Variants in FGGY observed in about 807,000 individuals in gnomAD.
FGGY encodes FGGY carbohydrate kinase domain-containing protein.
FGGY carries 72 observed loss-of-function variants against 71.3 expected under a neutral mutation model. That is an observed-to-expected ratio of 1.01 (90% confidence interval 0.84 to 1.23). FGGY has a LOEUF of 1.23. Ranked by LOEUF, FGGY falls within the 50% of genes most tolerant of loss-of-function variation. The pLI is 0.00. For missense variants in FGGY, 668 were observed against 682.3 expected (o/e 0.98, Z 0.23); for synonymous variants, 251 against 250.3 (o/e 1.00, Z -0.02).
chr1:59,757,840 C>A lies in FGGY; in HGVS notation c.1513-91C>A. On this transcript the variant is annotated intron_variant, in intron 14 of 15. Transcript: ENST00000303721. ...ACTAACCAAATATCTTAAAGGGAAG[C>A]AAATTCAAATTAGAATGTTTTGCCT... 4 of 830,770 alleles carry A rather than the reference C, an allele frequency of 4.8e-6. No individual in the cohort carries two copies. In the East Asian group the frequency reaches 7.9e-5, roughly 16 times the overall value. 51.5% of individuals were successfully genotyped at this position (830,770 alleles called of 1,614,324 possible). A position where few individuals can be genotyped will look rare whatever the true frequency, so the allele number is the denominator to read the frequency against.
chr1:59,545,454 C>G (rs12749899), intron 7 of FGGY, among the ~76,000 whole-genome samples: 3,771 of 152,196 alleles, frequency 0.025, 86 homozygotes, highest in South Asian at 0.076. Flanking sequence ...TGCCTAATGT[C>G]TGAGAATGAG....
intron 7 of FGGY, among the ~76,000 whole-genome samples, chr1:59,514,616 T>C (rs2094596285): frequency 6.6e-6 from 1 of 152,174 alleles, no homozygotes; most frequent in African/African-American, 2.4e-5. Flanking sequence ...TCCCACATGT[T>C]GTGGGAGGGA....
At chr1:59,600,695 A>G (rs2096568595) in intron 8 of FGGY, among the ~76,000 whole-genome samples, 2 of 152,158 alleles carry the variant, frequency 1.3e-5, no homozygotes, top group South Asian at 4.1e-4. Context: ...ACATTACCCC[A>G]TCTAGGACTT....
intron 12 of FGGY, among the ~76,000 whole-genome samples, chr1:59,665,831 G>A (rs1372047212): frequency 2.0e-5 from 3 of 151,916 alleles, no homozygotes; most frequent in South Asian, 2.1e-4. Flanking sequence ...CCGTCACCAC[G>A]CCCAGCTATT....
chr1:59,550,841 AC>A (rs2095597693), intron 7 of FGGY, among the ~76,000 whole-genome samples: 1 of 152,214 alleles, frequency 6.6e-6, no homozygotes, highest in Admixed American at 6.5e-5. Flanking sequence ...GTCAGACAGA[AC>A]AAGGTCAAAT....
At chr1:59,632,390 A>C (rs1226473755) in intron 10 of FGGY, among the ~76,000 whole-genome samples, 2 of 152,112 alleles carry the variant, frequency 1.3e-5, no homozygotes, top group East Asian at 3.9e-4. Context: ...ACTTTCCCTG[A>C]ATTTTTCTGT....
chr1:59,742,067 C>T (rs773940599), intron 14 of FGGY, among the ~76,000 whole-genome samples: 7 of 152,148 alleles, frequency 4.6e-5, no homozygotes, highest in Non-Finnish European at 1.0e-4. Context: ...CATGCCACTG[C>T]ACTCCAGCCT....
chr1:59,615,203 G>A (rs1572132892), intron 9 of FGGY, among the ~76,000 whole-genome samples: 1 of 152,096 alleles, frequency 6.6e-6, no homozygotes, highest in East Asian at 1.9e-4. Context: ...TCAATCCTAA[G>A]CCAAAAGAAC....
At chr1:59,465,536 G>A (rs1298483204) in intron 6 of FGGY, among the ~76,000 whole-genome samples, 1 of 152,160 alleles carries the variant, frequency 6.6e-6, no homozygotes, top group Admixed American at 6.5e-5. Context: ...GAAATAAAGG[G>A]TATTCAATTA....
chr1:59,508,840 G>A (rs2094454326), intron 6 of FGGY, among the ~76,000 whole-genome samples: 1 of 152,226 alleles, frequency 6.6e-6, no homozygotes, highest in East Asian at 1.9e-4. Context: ...GGGTTTTCCA[G>A]AAGCAAAGGC....
intron 3 of FGGY, among the ~76,000 whole-genome samples, chr1:59,342,015 A>G (rs899967566): frequency 6.6e-6 from 1 of 152,136 alleles, no homozygotes; most frequent in East Asian, 1.9e-4. Flanking sequence ...TCCATAAAGC[A>G]CAAGAGCCAT....
At chr1:59,452,085 T>C (rs186922822) in intron 5 of FGGY, among the ~76,000 whole-genome samples, 77 of 151,994 alleles carry the variant, frequency 5.1e-4, no homozygotes, top group Admixed American at 1.9e-3. Flanking sequence ...CTTTTCTTTT[T>C]TTTTTTTTAT....
chr1:59,717,317 G>A (rs573655057), intron 14 of FGGY, among the ~76,000 whole-genome samples: 1 of 152,006 alleles, frequency 6.6e-6, no homozygotes, highest in Non-Finnish European at 1.5e-5. Context: ...TTCTAATACT[G>A]TTACCTATAA....
rs1012664508 is a variant in FGGY, at chr1:59,655,694, T to C, written c.1222-4525T>C. Among the ~76,000 whole-genome samples the C allele has an allele frequency of 1.1e-3, 170 of 152,306 alleles. 1 individual carries two copies. Among genetic ancestry groups the C allele is most frequent in the African/African-American group, 4.0e-3 (165 of 41,570 alleles). On this transcript the variant is annotated intron_variant, in intron 11 of 15. Coordinates refer to ENST00000303721, the MANE Select transcript of FGGY (RefSeq NM_018291.5). ...ATTTAAATGCCACCTCTTTGCACAG[T>C]TGGCACCATAAGAGTTACAGGAGTA...
chr1:59,435,743 TGC>T (rs972245387), intron 5 of FGGY, among the ~76,000 whole-genome samples: 3 of 111,138 alleles, frequency 2.7e-5, no homozygotes, highest in Admixed American at 1.0e-4. Context: ...CGTGTGTGCC[TGC>T]GTGTGTGTGT....
chr1:59,587,198 C>T (rs1273676350), intron 8 of FGGY, among the ~76,000 whole-genome samples: 1 of 152,204 alleles, frequency 6.6e-6, no homozygotes, highest in Non-Finnish European at 1.5e-5. Flanking sequence ...ATTGCTAGCA[C>T]AGCAGTCTGA....
intron 8 of FGGY, among the ~76,000 whole-genome samples, chr1:59,561,158 C>T (rs2095787484): frequency 6.6e-6 from 1 of 152,186 alleles, no homozygotes; most frequent in Non-Finnish European, 1.5e-5. Flanking sequence ...TAACAAGTGA[C>T]ATTGGCAGAA....
chr1:59,379,271 A>G (rs72911700), intron 5 of FGGY, among the ~76,000 whole-genome samples: 3,216 of 152,070 alleles, frequency 0.021, 94 homozygotes, highest in African/African-American at 0.074. Context: ...TGCAAACATC[A>G]TAGAGTATAC....
intron 8 of FGGY, among the ~76,000 whole-genome samples, chr1:59,570,001 T>A (rs1571415659): frequency 1.3e-5 from 2 of 152,044 alleles, no homozygotes; most frequent in Non-Finnish European, 2.9e-5. Context: ...TGCAGAAGAG[T>A]TCCTGGTTCC....
Sources: gnomAD v4.1 joint callset for allele counts (sites outside exome capture counted in the v4.1 genomes callset) on GRCh38, gnomAD v4.1.1 for gene constraint, MANE v1.5 for transcripts, NCBI Gene and HGNC (gene_info 2026-07-23, HGNC 2026-07-21) for gene names.